The following BEST4 variants were observed in gnomAD, a reference collection of about 807,000 sequenced individuals.
BEST4 encodes bestrophin-4.
In BEST4, 36 loss-of-function variants were observed where a neutral mutation model predicts 47.1. The observed-to-expected ratio is 0.76, with a 90% CI of 0.59 to 1.01. The LOEUF is 1.01. Among genes scored for constraint, BEST4 ranks in the 50% least tolerant of loss-of-function variants. The pLI is 0.00. For synonymous variants in BEST4, 250 were observed against 277.8 expected (o/e 0.90, Z 1.00); for missense variants, 550 against 648.6 (o/e 0.85, Z 1.65).
upstream of BEST4, among the ~76,000 whole-genome samples, chr1:44,791,684 CT>C (rs1651415712): frequency 6.6e-6 from 1 of 152,020 alleles, no homozygotes; most frequent in Non-Finnish European, 1.5e-5. Context: ...TGACCAGTCC[CT>C]TTGTTTATGG....
In BEST4 at chr1:44,783,850, C is replaced by T. The variant is rs1181982000; in HGVS notation, c.*360G>A. The T allele has an allele frequency of 5.1e-6, 1 of 195,798 alleles. No homozygotes were observed. The highest frequency in any genetic ancestry group is 1.2e-4 in the East Asian group (1 of 8,628). The allele number at this position is 195,798 out of a possible 1,614,324, so 12.1% of individuals were successfully genotyped here. ...GAAATGCTGGGAGTGGTGCCCAGCA[C>T]TCTTTTGACAAGACCTTCCGTGATG... On this transcript the variant is annotated 3_prime_UTR_variant, in exon 9 of 9. Transcript: ENST00000372207.
At chr1:44,785,025 C>T (rs1036635036) in intron 6 of BEST4, 40 bp from the exon 7 acceptor site, 13 of 1,612,014 alleles carry the variant, frequency 8.1e-6, no homozygotes, top group African/African-American at 1.3e-5. Flanking sequence ...GTTCAGAGCC[C>T]CACTCTTTTT....
Position 44,787,933 on chromosome 1 carries a change from T to G in BEST4, c.-228A>C, listed in dbSNP as rs1438332462. 1.3e-5 allele frequency among the ~76,000 whole-genome samples: 2 copies of G among 152,200 alleles called. No individual in the cohort carries two copies. The highest frequency in any genetic ancestry group is 4.8e-5 in the African/African-American group (2 of 41,440). ...AGAGTTGGACAAGGTAGAACTGAGA[T>G]CTGTGTCCCTTCATGCATGAGGTTT... is the stretch of plus-strand genomic sequence containing the variant. On this transcript the variant is annotated 5_prime_UTR_variant, in exon 1 of 9. Transcript: ENST00000372207.
chr1:44,782,530 T>C (rs60411293), downstream of BEST4, among the ~76,000 whole-genome samples: 2,313 of 152,134 alleles, frequency 0.015, 58 homozygotes, highest in African/African-American at 0.053. Flanking sequence ...CTCGGGAGGC[T>C]GAGGCAGGAG....
At chr1:44,791,560 CCA>C (rs1170128585), upstream of BEST4, among the ~76,000 whole-genome samples, 1 of 151,966 alleles carries the variant, frequency 6.6e-6, no homozygotes, top group African/African-American at 2.4e-5. Flanking sequence ...TGTGAATTTC[CCA>C]CAGAGCCCGG....
At position 44,786,811 on chromosome 1, in the gene BEST4, G is replaced by T; in HGVS notation, c.248-115C>A. 1 of 797,414 alleles carries T rather than the reference G, an allele frequency of 1.3e-6. No homozygotes were observed. The highest frequency in any genetic ancestry group is 2.0e-6 in the Non-Finnish European group (1 of 508,858). 49.4% of individuals were successfully genotyped at this position (797,414 alleles called of 1,614,324 possible). A position where few individuals can be genotyped will look rare whatever the true frequency, so the allele number is the denominator to read the frequency against. ...TCCAGGCCAGTTGAATCGTGGCAGGGGGAAGGAAACATTCAGCTCCAGTGC... is the reference window on the plus strand; with the variant it reads ...TCCAGGCCAGTTGAATCGTGGCAGGTGGAAGGAAACATTCAGCTCCAGTGC... On this transcript the variant is annotated intron_variant, in intron 2 of 8. Transcript: ENST00000372207. This position sits in a 1 kb window ranked among gnomAD's most constrained non-coding sequence, Gnocchi z 4.9.
Position 44,787,394 on chromosome 1 carries a change from G to A in BEST4, c.225C>T (p.Leu75=). ...VARYCNRSAD[L]IPLSFVLGFY... ...TACCCAATACAAAGGACAAGGGAAT[G>A]AGGTCTGCTGAGCGGTTGCAGTACC... Residue 75 remains leucine, a synonymous_variant, in exon 2 of 9, where the codon CTC becomes CTT. Transcript: ENST00000372207. The A allele has an allele frequency of 6.2e-7, 1 of 1,614,116 alleles. No homozygotes were observed. Among genetic ancestry groups the A allele is most frequent in the Non-Finnish European group, 8.5e-7 (1 of 1,180,016 alleles).
chr1:44,791,204 CAGAGAG>C (rs35806425), upstream of BEST4, among the ~76,000 whole-genome samples: 252 of 148,022 alleles, frequency 1.7e-3, no homozygotes, highest in Admixed American at 3.9e-3. Flanking sequence ...GAACAGGACT[CAGAGAG>C]AGAGAGAGAG....
At chr1:44,790,724 G>A (rs975652715), upstream of BEST4, among the ~76,000 whole-genome samples, 23 of 151,640 alleles carry the variant, frequency 1.5e-4, no homozygotes, top group African/African-American at 4.4e-4. Flanking sequence ...CAGCCTGGGC[G>A]ACATAGTGAG....
chr1:44,785,563 G>C (rs764611531), intron 5 of BEST4, 36 bp downstream of exon 5: 53 of 1,506,976 alleles, frequency 3.5e-5, no homozygotes, highest in Non-Finnish European at 4.5e-5. Context: ...AGGACATACA[G>C]TAGGCACTGG....
Position 44,786,639 on chromosome 1 carries a change from A to C in BEST4, c.305T>G (p.Leu102Arg). The change falls in exon 3 of 9, where the codon CTG (leucine) becomes CGG (arginine). Residue 102 changes from leucine to arginine, a missense_variant. Transcript: ENST00000372207. The surrounding 1 kb of genome is among the most constrained non-coding windows in gnomAD (Gnocchi z 4.9). ...GATGACGCACATCAGCTGGTCTGGC[A>C]GCGGGATGCTTGTGTACTGGGACCA... Reference protein sequence around the residue: ...RWWSQYTSIPLPDQLMCVISA... With the variant: ...RWWSQYTSIPRPDQLMCVISA... 3.2e-6 allele frequency: 5 copies of C among 1,551,676 alleles called. No homozygotes were observed. Among genetic ancestry groups the C allele is most frequent in the Non-Finnish European group, 4.4e-6 (5 of 1,146,986 alleles).
intron 6 of BEST4, 41 bp downstream of exon 6, chr1:44,785,067 T>A (rs376308311): frequency 6.2e-7 from 1 of 1,610,798 alleles, no homozygotes; most frequent in South Asian, 1.1e-5. Flanking sequence ...TCTGCCCACA[T>A]CTCCACAGAG....
rs1489102204 is a variant in BEST4 at position 44,784,081 on chromosome 1, C to T, written c.*129G>A. ...TTTTCGCCATCTTCTCTTTCAAGTT[C>T]TGTCCCTAAATGCTCTGGCCTTCAA... On this transcript the variant is annotated 3_prime_UTR_variant, in exon 9 of 9. Coordinates refer to ENST00000372207, the MANE Select transcript of BEST4 (RefSeq NM_153274.3). The surrounding 1 kb of genome is among the most constrained non-coding windows in gnomAD (Gnocchi z 6.2). 2 of 923,022 alleles carry T rather than the reference C, an allele frequency of 2.2e-6. No individual in the cohort carries two copies. The highest frequency in any genetic ancestry group is 2.9e-6 in the Non-Finnish European group (2 of 679,128). The allele number at this position is 923,022 out of a possible 1,614,324, so 57.2% of individuals were successfully genotyped here. A position where few individuals can be genotyped will look rare whatever the true frequency, so the allele number is the denominator to read the frequency against.
rs202035513 is a variant in BEST4, at chr1:44,787,648, G to A, written c.58C>T (p.Leu20=). The A allele has an allele frequency of 2.5e-6, 4 of 1,614,220 alleles. No individual in the cohort carries two copies. Among genetic ancestry groups the A allele is most frequent in the East Asian group, 4.5e-5 (2 of 44,890 alleles). Residue 20 remains leucine, a synonymous_variant, in exon 1 of 9, where the codon CTG becomes TTG. Coordinates refer to ENST00000372207, the MANE Select transcript of BEST4 (RefSeq NM_153274.3). The part of the protein sequence containing the change: ...AEARFGGFSG[L]LLRWRGSIYK... ...ATGCTTCCCCTCCAGCGGAGAAGCA[G>A]GCCAGAGAAACCTCCGAAGCGGGCC...
chr1:44,784,364 G>C lies in BEST4; in HGVS notation c.1268C>G (p.Pro423Arg), dbSNP rs906037415. 2.9e-6 allele frequency: 4 copies of C among 1,390,488 alleles called. No homozygotes were observed. Among genetic ancestry groups the C allele is most frequent in the East Asian group, 6.0e-5 (2 of 33,164 alleles). 86.1% of individuals were successfully genotyped at this position (1,390,488 alleles called of 1,614,324 possible). The change falls in exon 9 of 9, where the codon CCG becomes CGG. Residue 423 changes from proline to arginine, a missense_variant. This residue lies in a region of BEST4 where 255 missense variants were observed against 286.6 expected (regional missense o/e 0.89). Coordinates refer to ENST00000372207, the MANE Select transcript of BEST4 (RefSeq NM_153274.3). The surrounding 1 kb of genome is among the most constrained non-coding windows in gnomAD (Gnocchi z 6.2). The part of the protein sequence containing the change: ...GRFLGVGAPS[P>R]AISLRNFGRV... ...GCCGAAGTTCCGGAGGCTGATGGCC[G>C]GGGAGGGCGCCCCTACGCCCAGGAA...
upstream of BEST4, among the ~76,000 whole-genome samples, chr1:44,788,403 CA>C (rs1162700695): frequency 5.3e-5 from 8 of 152,312 alleles, no homozygotes; most frequent in Non-Finnish European, 7.3e-5. Context: ...GCCAGTATGA[CA>C]GGGGTTATTG....
At chr1:44,783,073 G>A (rs1266879907), downstream of BEST4, among the ~76,000 whole-genome samples, 1 of 151,884 alleles carries the variant, frequency 6.6e-6, no homozygotes, top group Non-Finnish European at 1.5e-5. Flanking sequence ...TTGTGCCTCA[G>A]CCTCCCAAGA....
At chr1:44,785,510 A>G in intron 5 of BEST4, 89 bp downstream of exon 5, 2 of 1,347,036 alleles carry the variant, frequency 1.5e-6, no homozygotes, top group African/African-American at 1.4e-5. Flanking sequence ...TGAAATGGCC[A>G]GGCAAGTACC....
At position 44,786,341 on chromosome 1, in the gene BEST4, G is replaced by T. The variant is rs1161621110; in HGVS notation, c.482-113C>A. On this transcript the variant is annotated intron_variant, in intron 3 of 8. Coordinates refer to ENST00000372207, the MANE Select transcript of BEST4 (RefSeq NM_153274.3). The surrounding 1 kb of genome is among the most constrained non-coding windows in gnomAD (Gnocchi z 4.9). ...TCCACCGGCTGTCCCAGGACTCGCGGTTCCGCGTTCCTGTCGCAGTCCAGA... is the reference window on the plus strand; with the variant it reads ...TCCACCGGCTGTCCCAGGACTCGCGTTTCCGCGTTCCTGTCGCAGTCCAGA... The T allele has an allele frequency of 6.8e-7, 1 of 1,460,718 alleles. No homozygotes were observed. Among genetic ancestry groups the T allele is most frequent in the Non-Finnish European group, 9.2e-7 (1 of 1,089,716 alleles). The allele number at this position is 1,460,718 out of a possible 1,614,324, so 90.5% of individuals were successfully genotyped here. A position where few individuals can be genotyped will look rare whatever the true frequency, so the allele number is the denominator to read the frequency against.
Sources: allele counts gnomAD v4.1 joint callset (sites outside exome capture counted in the v4.1 genomes callset), GRCh38; gene constraint gnomAD v4.1.1; regional missense constraint gnomAD v4.1.1; non-coding constraint Gnocchi (gnomAD v3.1); transcripts MANE v1.5; gene names NCBI Gene and HGNC (gene_info 2026-07-23, HGNC 2026-07-21).